SLC52A1: variants seen among roughly 807,000 people sequenced by gnomAD.
The protein encoded by SLC52A1 is solute carrier family 52, riboflavin transporter, member 1.
Under a neutral mutation model 23.2 loss-of-function variants are expected in SLC52A1, and 20 were observed. The observed-to-expected ratio is 0.86, with a 90% CI of 0.61 to 1.25. The LOEUF (loss-of-function observed/expected upper bound fraction) is 1.25. Ranked by LOEUF, SLC52A1 falls within the 50% of genes most tolerant of loss-of-function variation. SLC52A1 has a pLI of 0.00. For synonymous variants in SLC52A1, 260 were observed against 256.6 expected, an observed-to-expected ratio of 1.01 and a Z score of -0.13; for missense variants, 528 against 557.0, an observed-to-expected ratio of 0.95 and a Z score of 0.52.
upstream of SLC52A1, chr17:5,035,449 A>G (rs1975434273): frequency 6.6e-6 from 1 of 152,284 alleles, no homozygotes; most frequent in Admixed American, 6.5e-5. Context: ...TTGCTGAGGC[A>G]GGTCGAGTTG....
At position 5,034,210 on chromosome 17, in the gene SLC52A1, G is replaced by A. The variant is rs187721459; in HGVS notation, c.279C>T (p.Ala93=). 1.5e-4 allele frequency: 239 copies of A among 1,614,062 alleles called. No homozygotes were observed. The highest frequency in any genetic ancestry group is 7.0e-5 in the Non-Finnish European group (83 of 1,179,962). The change falls in exon 3 of 5, where the codon GCC becomes GCT. Residue 93 remains alanine, a synonymous_variant. Coordinates refer to ENST00000254853, the MANE Select transcript of SLC52A1 (RefSeq NM_017986.4). ...VVQVLSVVGT[A]LLAPLWHHVA... ...CGTGGTGCCACAGAGGGGCCAGCAGGGCTGTGCCCACTACACTCAGCACCT... is the reference window on the plus strand; with the variant it reads ...CGTGGTGCCACAGAGGGGCCAGCAGAGCTGTGCCCACTACACTCAGCACCT...
chr17:5,037,268 C>T (rs1975479912), upstream of SLC52A1, among the ~76,000 whole-genome samples: 1 of 152,156 alleles, frequency 6.6e-6, no homozygotes, highest in African/African-American at 2.4e-5. Context: ...GCCTGTAATC[C>T]CAACACTTTG....
rs771271743 is a variant in SLC52A1 at position 5,033,933 on chromosome 17, C to T, written c.556G>A (p.Asp186Asn). The T allele has an allele frequency of 5.6e-6, 9 of 1,614,158 alleles. No homozygotes were observed. Among genetic ancestry groups the T allele is most frequent in the Non-Finnish European group, 7.6e-6 (9 of 1,180,032 alleles). Residue 186 changes from aspartate to asparagine, a missense_variant, in exon 3 of 5, where the codon GAC (aspartate) becomes AAC (asparagine). Transcript: ENST00000254853. Reference sequence around the variant, plus strand: ...CTGGCAGGAAAACGCTCAGGGAAGTCGAGGGGAGGCCCAGAGGTGCCATTG... The same window carrying T: ...CTGGCAGGAAAACGCTCAGGGAAGTTGAGGGGAGGCCCAGAGGTGCCATTG... Reference protein sequence around the residue: ...PTNGTSGPPLDFPERFPASTF... With the variant: ...PTNGTSGPPLNFPERFPASTF...
chr17:5,033,458 A>G (rs1567734406), intron 3 of SLC52A1, 21 bp downstream of exon 3: 1 of 1,610,022 alleles, frequency 6.2e-7, no homozygotes, highest in Non-Finnish European at 8.5e-7. Context: ...CCACCCACCA[A>G]GCCTGGGGAC....
chr17:5,033,780 A>C lies in SLC52A1; in HGVS notation c.709T>G (p.Ser237Ala). 2 of 1,614,172 alleles carry C rather than the reference A, an allele frequency of 1.2e-6. No individual in the cohort carries two copies. Among genetic ancestry groups the C allele is most frequent in the Non-Finnish European group, 1.7e-6 (2 of 1,180,046 alleles). The change falls in exon 3 of 5, where the codon TCC becomes GCC. Residue 237 changes from serine (S) to alanine (A), a missense_variant. Coordinates refer to ENST00000254853, the MANE Select transcript of SLC52A1 (RefSeq NM_017986.4). ...TTCTCTTCCTCCTCTGCTCCTGGGGATCCCAGTTGAAGTTCAGGCCCTGAG... is the reference window on the plus strand; with the variant it reads ...TTCTCTTCCTCCTCTGCTCCTGGGGCTCCCAGTTGAAGTTCAGGCCCTGAG... ...GGSGPELQLG[S>A]PGAEEEEKEE...
In SLC52A1 at chr17:5,033,635, A is replaced by G. The variant is rs1975376047; in HGVS notation, c.854T>C (p.Leu285Pro). The change falls in exon 3 of 5, where the codon CTG becomes CCG. Residue 285 changes from leucine (L) to proline (P), a missense_variant. Coordinates refer to ENST00000254853, the MANE Select transcript of SLC52A1 (RefSeq NM_017986.4). ...GGTCACGGCACTGGTGAAGGCCATC[A>G]GGCCCAGCAGGAAGGCACCATGGGC... is the stretch of plus-strand genomic sequence containing the variant. ...FSAHGAFLLG[L>P]MAFTSAVTNG... 6.2e-7 allele frequency: 1 copy of G among 1,613,940 alleles called. No homozygotes were observed. The highest frequency in any genetic ancestry group is 1.1e-5 in the South Asian group (1 of 91,094).
chr17:5,033,325 A>G lies in SLC52A1; in HGVS notation c.1070T>C (p.Met357Thr), dbSNP rs765128488. ...LLGMLFGAYL[M>T]ALAILSPCPP... ...GCAGGGGCTCAGGATTGCCAGTGCC[A>G]TCAGGTAGGCCCCAAAGAGCATGCC... Residue 357 changes from methionine to threonine, a missense_variant, in exon 4 of 5, where the codon ATG (methionine) becomes ACG (threonine). Coordinates refer to ENST00000254853, the MANE Select transcript of SLC52A1 (RefSeq NM_017986.4). The G allele has an allele frequency of 1.2e-6, 2 of 1,600,534 alleles. No individual in the cohort carries two copies. The highest frequency in any genetic ancestry group is 1.7e-6 in the Non-Finnish European group (2 of 1,172,796).
upstream of SLC52A1, among the ~76,000 whole-genome samples, chr17:5,037,745 C>T (rs538864575): frequency 2.6e-5 from 4 of 152,140 alleles, no homozygotes; most frequent in South Asian, 2.1e-4. Context: ...TACGTTTGCG[C>T]GGAGGAGGCA....
In SLC52A1 at chr17:5,034,630, G is replaced by T; in HGVS notation, c.-24C>A. 6.2e-7 allele frequency: 1 copy of T among 1,613,554 alleles called. No individual in the cohort carries two copies. The highest frequency in any genetic ancestry group is 8.5e-7 in the Non-Finnish European group (1 of 1,179,822). Reference sequence around the variant, plus strand: ...ATTCAGCCCAAAGCTGGACCCTCCAGGACAGGGCAAAGGTCACAGGCAGGT... The same window carrying T: ...ATTCAGCCCAAAGCTGGACCCTCCATGACAGGGCAAAGGTCACAGGCAGGT... On this transcript the variant is annotated 5_prime_UTR_variant, in exon 2 of 5. It adds an upstream start codon to the 5' untranslated region. Coordinates refer to ENST00000254853, the MANE Select transcript of SLC52A1 (RefSeq NM_017986.4).
chr17:5,035,873 ATTTTTT>A (rs71149503), upstream of SLC52A1, among the ~76,000 whole-genome samples: 3 of 45,302 alleles, frequency 6.6e-5, no homozygotes, highest in African/African-American at 2.1e-4. Flanking sequence ...TGTCCAGCTA[ATTTTTT>A]TTTTTTTTTT....
At position 5,032,846 on chromosome 17, in the gene SLC52A1, A is replaced by C; in HGVS notation, c.*111T>G. The C allele has an allele frequency of 2.0e-6, 2 of 976,362 alleles. No homozygotes were observed. Among genetic ancestry groups the C allele is most frequent in the Non-Finnish European group, 3.1e-6 (2 of 649,984 alleles). The allele number at this position is 976,362 out of a possible 1,614,324, so 60.5% of individuals were successfully genotyped here. On this transcript the variant is annotated 3_prime_UTR_variant, in exon 5 of 5. Coordinates refer to ENST00000254853, the MANE Select transcript of SLC52A1 (RefSeq NM_017986.4). ...TCTTCTGTGGAGTGTGCAGGTGTCC[A>C]TGAGCGTTCCTGTGTTGGGGGAAGC...
Position 5,033,787 on chromosome 17 carries a change from T to G in SLC52A1, c.702A>C (p.Gln234His). The G allele has an allele frequency of 1.2e-6, 2 of 1,614,152 alleles. No individual in the cohort carries two copies. The highest frequency in any genetic ancestry group is 1.7e-6 in the Non-Finnish European group (2 of 1,180,020). ...VTTGGSGPEL[Q>H]LGSPGAEEEE... ...CCTCCTCTGCTCCTGGGGATCCCAG[T>G]TGAAGTTCAGGCCCTGAGCCCCCTG... The change falls in exon 3 of 5, where the codon CAA (glutamine) becomes CAC (histidine). Residue 234 changes from glutamine (Q) to histidine (H), a missense_variant. Transcript: ENST00000254853.
At chr17:5,033,428 C>G (rs1167119170) in intron 3 of SLC52A1, 44 bp from the exon 4 acceptor site, 7 of 1,611,784 alleles carry the variant, frequency 4.3e-6, no homozygotes, top group Non-Finnish European at 5.9e-6. Context: ...GTTCTGGGAC[C>G]TGGACCCCAA....
Position 5,033,069 on chromosome 17 carries a change from C to T in SLC52A1, c.1235G>A (p.Gly412Asp), listed in dbSNP as rs1335694092. 1.2e-6 allele frequency: 2 copies of T among 1,613,528 alleles called. No individual in the cohort carries two copies. Among genetic ancestry groups the T allele is most frequent in the African/African-American group, 1.3e-5 (1 of 74,890 alleles). Residue 412 changes from glycine to aspartate, a missense_variant, in exon 5 of 5, where the codon GGT becomes GAT. Coordinates refer to ENST00000254853, the MANE Select transcript of SLC52A1 (RefSeq NM_017986.4). ...GGGRPALLAAGVAIQVGSLLG... is the reference protein window; with the variant it reads ...GGGRPALLAADVAIQVGSLLG... ...CAGGGAGCCCACTTGGATGGCCACACCAGCTGCCAGCAATGCCGGCCGACC... is the reference window on the plus strand; with the variant it reads ...CAGGGAGCCCACTTGGATGGCCACATCAGCTGCCAGCAATGCCGGCCGACC...
intron 1 of SLC52A1, among the ~76,000 whole-genome samples, chr17:5,041,260 TTTTAC>T (rs1975541591): frequency 6.6e-6 from 1 of 151,912 alleles, no homozygotes; most frequent in Non-Finnish European, 1.5e-5. Flanking sequence ...CTGGCTAATT[TTTTAC>T]TTTTATTTTT....
chr17:5,032,688 G>T lies in SLC52A1; in HGVS notation c.*269C>A. The T allele has an allele frequency of 1.6e-5, 6 of 373,698 alleles. No individual in the cohort carries two copies. The highest frequency in any genetic ancestry group is 4.1e-5 in the African/African-American group (2 of 49,228). The allele number at this position is 373,698 out of a possible 1,614,324, so 23.1% of individuals were successfully genotyped here. On this transcript the variant is annotated 3_prime_UTR_variant, in exon 5 of 5. Transcript: ENST00000254853. Reference sequence around the variant, plus strand: ...TCATTAGGCTTTTGTTTTTGTTTTTGGTTTTAAATAAAAACACTTTATTGC... The same window carrying T: ...TCATTAGGCTTTTGTTTTTGTTTTTTGTTTTAAATAAAAACACTTTATTGC...
upstream of SLC52A1, among the ~76,000 whole-genome samples, chr17:5,037,347 C>T (rs571527584): frequency 1.4e-4 from 21 of 152,126 alleles, no homozygotes; most frequent in Non-Finnish European, 2.4e-4. Flanking sequence ...TGGTGAACCC[C>T]GTCTCTACTA....
chr17:5,033,989 A>G lies in SLC52A1; in HGVS notation c.500T>C (p.Val167Ala). Residue 167 changes from valine to alanine, a missense_variant, in exon 3 of 5, where the codon GTG becomes GCG. Transcript: ENST00000254853. ...CGCTGGTGGGCACTCGAGGCGGCCC[A>G]CACCTTGCACTAGGGCCAGCACACA... ...LPCVLALVQG[V>A]GRLECPPAPT... The G allele has an allele frequency of 6.2e-7, 1 of 1,614,056 alleles. No individual in the cohort carries two copies. Among genetic ancestry groups the G allele is most frequent in the Non-Finnish European group, 8.5e-7 (1 of 1,179,940 alleles).
At chr17:5,042,200 G>A (rs1335500164) in intron 1 of SLC52A1, among the ~76,000 whole-genome samples, 6 of 152,158 alleles carry the variant, frequency 3.9e-5, no homozygotes, top group Non-Finnish European at 7.4e-5. Context: ...GCAGCCTTCT[G>A]GGGCACGGGG....
Sources: gnomAD v4.1 joint callset for allele counts (sites outside exome capture counted in the v4.1 genomes callset) on GRCh38, gnomAD v4.1.1 for gene constraint, MANE v1.5 for transcripts, NCBI Gene and HGNC (gene_info 2026-07-23, HGNC 2026-07-21) for gene names.